AUTS2: variants seen among roughly 807,000 people sequenced by gnomAD.
The protein encoded by AUTS2 is autism susceptibility gene 2 protein.
AUTS2 carries 17 observed loss-of-function variants against 112.4 expected under a neutral mutation model. That is an observed-to-expected ratio of 0.15 (90% CI 0.10 to 0.23). AUTS2 has a LOEUF of 0.23. AUTS2 is among the 10% of genes least tolerant of loss of function. The probability of loss-of-function intolerance (pLI) is 1.00; values close to 1 mark genes in which losing one functional copy is unlikely to be tolerated. For missense variants in AUTS2, 1,510 were observed against 1,701.6 expected (o/e 0.89, Z 1.98); for synonymous variants, 751 against 702.7 (o/e 1.07, Z -1.09).
At chr7:69,655,606 C>G (rs545916009) in intron 1 of AUTS2, among the ~76,000 whole-genome samples, 1 of 152,162 alleles carries the variant, frequency 6.6e-6, no homozygotes, top group South Asian at 2.1e-4. Context: ...TTGAGAAACA[C>G]TGAGGGTGTG....
At chr7:70,362,956 T>C (rs1678161444) in intron 4 of AUTS2, among the ~76,000 whole-genome samples, 1 of 152,132 alleles carries the variant, frequency 6.6e-6, no homozygotes, top group Non-Finnish European at 1.5e-5. Context: ...ATAAATTATC[T>C]CAATAACTCT....
At chr7:69,945,429 T>G (rs889109501) in intron 2 of AUTS2, among the ~76,000 whole-genome samples, 2 of 152,346 alleles carry the variant, frequency 1.3e-5, no homozygotes, top group Admixed American at 6.5e-5. Context: ...CATGTATCAG[T>G]ACTTCATTCT....
At chr7:69,950,179 T>C (rs1796968675) in intron 2 of AUTS2, among the ~76,000 whole-genome samples, 1 of 152,202 alleles carries the variant, frequency 6.6e-6, no homozygotes, top group Non-Finnish European at 1.5e-5. Flanking sequence ...GTTAGCTATA[T>C]ATCTATATCT....
chr7:70,549,209 G>A (rs1406108729), intron 5 of AUTS2, among the ~76,000 whole-genome samples: 1 of 151,912 alleles, frequency 6.6e-6, no homozygotes, highest in Non-Finnish European at 1.5e-5. Context: ...TTTCATATTG[G>A]TCTTCTATCG....
chr7:69,886,885 C>T (rs776147689), intron 1 of AUTS2, among the ~76,000 whole-genome samples: 8 of 151,918 alleles, frequency 5.3e-5, no homozygotes, highest in Non-Finnish European at 7.4e-5. Context: ...GTCAGTCCTC[C>T]TGCCTCAGCC....
chr7:70,351,725 G>T (rs980333731), intron 4 of AUTS2, among the ~76,000 whole-genome samples: 3 of 150,802 alleles, frequency 2.0e-5, no homozygotes, highest in Non-Finnish European at 4.4e-5. Flanking sequence ...TTTTTGATAC[G>T]AAGTCTTGCT....
intron 5 of AUTS2, among the ~76,000 whole-genome samples, chr7:70,584,323 A>G (rs1035870451): frequency 2.6e-5 from 4 of 152,228 alleles, no homozygotes; most frequent in Admixed American, 6.5e-5. Flanking sequence ...CTGCTTTAGC[A>G]GACAGGCCCT....
intron 4 of AUTS2, among the ~76,000 whole-genome samples, chr7:70,151,329 C>T (rs7782771): frequency 0.22 from 32,719 of 152,004 alleles, 3,504 homozygotes; most frequent in Middle Eastern, 0.32. Context: ...AACCCATAGC[C>T]AGGAACAGTG....
intron 5 of AUTS2, among the ~76,000 whole-genome samples, chr7:70,553,352 C>T (rs1209434066): frequency 2.0e-5 from 3 of 152,226 alleles, no homozygotes; most frequent in African/African-American, 7.2e-5. Flanking sequence ...GAAAATGAAG[C>T]ACCTATTACC....
chr7:69,785,042 AG>A (rs989255835), intron 1 of AUTS2, among the ~76,000 whole-genome samples: 2 of 152,158 alleles, frequency 1.3e-5, no homozygotes, highest in African/African-American at 4.8e-5. Context: ...AAAAAAAACA[AG>A]AAAGGGAAGA....
At chr7:70,711,144 T>C (rs1419744488) in intron 6 of AUTS2, among the ~76,000 whole-genome samples, 2 of 152,186 alleles carry the variant, frequency 1.3e-5, no homozygotes, top group African/African-American at 4.8e-5. Context: ...AGAGCACACC[T>C]TCGGGTCAGG....
chr7:70,617,490 G>A (rs1585385309), intron 5 of AUTS2, among the ~76,000 whole-genome samples: 1 of 152,142 alleles, frequency 6.6e-6, no homozygotes, highest in African/African-American at 2.4e-5. Flanking sequence ...GTGAAACCCC[G>A]TTTCTACCAA....
intron 6 of AUTS2, among the ~76,000 whole-genome samples, chr7:70,738,782 T>A (rs1787922678): frequency 6.6e-6 from 1 of 152,184 alleles, no homozygotes; most frequent in African/African-American, 2.4e-5. Flanking sequence ...AAGTTAATCA[T>A]GTGGTTTTTC....
intron 6 of AUTS2, among the ~76,000 whole-genome samples, chr7:70,754,021 C>T (rs915584292): frequency 1.3e-5 from 2 of 151,642 alleles, no homozygotes; most frequent in African/African-American, 2.4e-5. Context: ...ATCAGCCAGG[C>T]GTGGTGGCGG....
At chr7:70,754,230 C>T (rs771175612) in intron 6 of AUTS2, among the ~76,000 whole-genome samples, 30 of 151,976 alleles carry the variant, frequency 2.0e-4, no homozygotes, top group Non-Finnish European at 3.7e-4. Flanking sequence ...GTGGCTCACA[C>T]CTATAATCCC....
rs1318930097 is a variant in AUTS2 at position 70,492,371 on chromosome 7, A to C, written c.690+56590A>C. ...GCTGGCGAGAGGGGAGTATCTTGAA[A>C]GGGCAGAACAATTGGGGTGAGGATG... On this transcript the variant is annotated intron_variant, in intron 5 of 18. Coordinates refer to ENST00000342771, the MANE Select transcript of AUTS2 (RefSeq NM_015570.4). Among the ~76,000 whole-genome samples, 6 of 152,308 alleles carry C rather than the reference A, an allele frequency of 3.9e-5. No individual in the cohort carries two copies. The East Asian group carries it at 1.2e-3, about 29-fold the overall frequency.
chr7:70,470,299 G>A (rs1390292770), intron 5 of AUTS2, among the ~76,000 whole-genome samples: 2 of 152,178 alleles, frequency 1.3e-5, no homozygotes, highest in Non-Finnish European at 2.9e-5. Flanking sequence ...AGAGAAAGGA[G>A]CATCAGTGAA....
intron 6 of AUTS2, among the ~76,000 whole-genome samples, chr7:70,726,200 G>A (rs10247394): frequency 0.23 from 34,749 of 151,818 alleles, 4,837 homozygotes; most frequent in East Asian, 0.58. Flanking sequence ...CACCTGAAAT[G>A]CTACCTCTCA....
At chr7:70,669,629 G>A (rs1375559608) in intron 5 of AUTS2, among the ~76,000 whole-genome samples, 1 of 152,208 alleles carries the variant, frequency 6.6e-6, no homozygotes, top group East Asian at 1.9e-4. Flanking sequence ...TGTACATCAT[G>A]CTGTCTGCAC....
Sources: allele counts gnomAD v4.1 joint callset (sites outside exome capture counted in the v4.1 genomes callset), GRCh38; gene constraint gnomAD v4.1.1; transcripts MANE v1.5; gene names NCBI Gene and HGNC (gene_info 2026-07-23, HGNC 2026-07-21).